Variants in FARSB observed in about 807,000 individuals in gnomAD.
FARSB encodes phenylalanine--tRNA ligase beta subunit.
FARSB carries 40 observed loss-of-function variants against 69.6 expected under a neutral mutation model. That is an observed-to-expected ratio of 0.57 (90% CI 0.45 to 0.75). The LOEUF (loss-of-function observed/expected upper bound fraction) is 0.75. Among genes scored for constraint, FARSB ranks in the 30% least tolerant of loss-of-function variants. The pLI, the probability that FARSB is intolerant of heterozygous loss-of-function variation, is 0.00. For missense variants in FARSB, 632 were observed against 722.9 expected, an observed-to-expected ratio of 0.87 and a Z score of 1.44; for synonymous variants, 235 against 247.2, an observed-to-expected ratio of 0.95 and a Z score of 0.46.
intron 16 of FARSB, among the ~76,000 whole-genome samples, chr2:222,588,120 TG>T (rs1300380192): frequency 3.3e-5 from 5 of 152,180 alleles, no homozygotes; most frequent in African/African-American, 1.2e-4. Flanking sequence ...AATAAAATAC[TG>T]GCAAAACGAA....
At position 222,592,415 on chromosome 2, in the gene FARSB, C is replaced by T. The variant is rs185734470; in HGVS notation, c.1618+7513G>A. ...GAATTCCCAGGACAGTGACTCTTAACCAATATGCTGCAGCACACAAATGTG... is the reference window on the plus strand; with the variant it reads ...GAATTCCCAGGACAGTGACTCTTAATCAATATGCTGCAGCACACAAATGTG... On this transcript the variant is annotated intron_variant, in intron 16 of 16. Coordinates refer to ENST00000281828, the MANE Select transcript of FARSB (RefSeq NM_005687.5). Among the ~76,000 whole-genome samples, 236 of 152,210 alleles carry T rather than the reference C, an allele frequency of 1.6e-3. 1 individual carries two copies. Among genetic ancestry groups the T allele is most frequent in the Admixed American group, 0.014 (207 of 15,270 alleles).
chr2:222,646,805 T>A (rs1691875698), intron 2 of FARSB, among the ~76,000 whole-genome samples: 1 of 152,380 alleles, frequency 6.6e-6, no homozygotes, highest in East Asian at 1.9e-4. Context: ...TTTTACCTTT[T>A]TCTTCAGTTC....
chr2:222,606,527 CCTAAATTAT>C (rs1468419736), intron 15 of FARSB, among the ~76,000 whole-genome samples: 10 of 152,196 alleles, frequency 6.6e-5, no homozygotes, highest in Non-Finnish European at 4.4e-5. Context: ...AGTATGTCAG[CCTAAATTAT>C]CTATGTATTT....
chr2:222,647,728 G>A (rs931059394), intron 2 of FARSB, among the ~76,000 whole-genome samples: 14 of 152,202 alleles, frequency 9.2e-5, no homozygotes, highest in Non-Finnish European at 1.5e-4. Flanking sequence ...TCGCGCTGTC[G>A]CACTCCAGCC....
chr2:222,650,565 A>T (rs936211739), intron 1 of FARSB, among the ~76,000 whole-genome samples: 2 of 151,910 alleles, frequency 1.3e-5, no homozygotes, highest in Non-Finnish European at 2.9e-5. Context: ...GTCTAAGATG[A>T]CTCCCCGATC....
In FARSB at chr2:222,648,771, CAT is replaced by C; in HGVS notation, c.81_82del (p.Cys28PhefsTer2). On this transcript the variant is annotated frameshift_variant, in exon 2 of 17. Transcript: ENST00000281828. LOFTEE classifies it high-confidence loss of function. ...ATCAAGCTCCAGACCAAATTCAAAA[CAT>C]AGTTCATCAAATTCTTCGTCAGCTA... The C allele has an allele frequency of 1.2e-6, 2 of 1,603,784 alleles. No homozygotes were observed. The highest frequency in any genetic ancestry group is 2.2e-5 in the East Asian group (1 of 44,816).
At chr2:222,627,191 T>G (rs998912415) in intron 10 of FARSB, among the ~76,000 whole-genome samples, 1 of 152,216 alleles carries the variant, frequency 6.6e-6, no homozygotes, top group Non-Finnish European at 1.5e-5. Flanking sequence ...GGCCTTGCAA[T>G]GTGACACTGC....
chr2:222,652,041 G>A (rs1692050716), intron 1 of FARSB, among the ~76,000 whole-genome samples: 1 of 152,156 alleles, frequency 6.6e-6, no homozygotes, highest in Non-Finnish European at 1.5e-5. Flanking sequence ...CCGCCCCTTT[G>A]AAGTGGAAGG....
In FARSB at chr2:222,589,483, C is replaced by T. The variant is rs1252990087; in HGVS notation, c.1618+10445G>A. ...GACTTCATGACTAAAACACCAAAAG[C>T]AATGGCAACAAAAGCCAAAATAGAC... On this transcript the variant is annotated intron_variant, in intron 16 of 16. Transcript: ENST00000281828. Among the ~76,000 whole-genome samples, 4 of 151,886 alleles carry T rather than the reference C, an allele frequency of 2.6e-5. No homozygotes were observed. In the East Asian group the frequency reaches 7.7e-4, roughly 29 times the overall value.
intron 1 of FARSB, among the ~76,000 whole-genome samples, 153 bp downstream of exon 1, chr2:222,655,863 G>C (rs925870034): frequency 1.3e-5 from 2 of 152,238 alleles, no homozygotes; most frequent in African/African-American, 4.8e-5. Flanking sequence ...CAGCCCAGCC[G>C]GACCGCCACC....
intron 4 of FARSB, among the ~76,000 whole-genome samples, chr2:222,640,485 G>A (rs746811809): frequency 1.3e-5 from 2 of 151,820 alleles, no homozygotes; most frequent in Non-Finnish European, 2.9e-5. Context: ...TTAGCCAGGT[G>A]TGGTGGCGTG....
At chr2:222,621,130 TCC>T (rs1691124201) in intron 13 of FARSB, among the ~76,000 whole-genome samples, 1 of 152,174 alleles carries the variant, frequency 6.6e-6, no homozygotes, top group African/African-American at 2.4e-5. Context: ...ATGAAACTAG[TCC>T]TCTCTGTGTA....
At chr2:222,592,213 T>C (rs1690292173) in intron 16 of FARSB, among the ~76,000 whole-genome samples, 1 of 152,182 alleles carries the variant, frequency 6.6e-6, no homozygotes. Flanking sequence ...GGCCTTTATT[T>C]TTTGTGGTCA....
chr2:222,571,726 G>A lies in FARSB; in HGVS notation c.*145C>T. 1.5e-6 allele frequency: 1 copy of A among 674,944 alleles called. No individual in the cohort carries two copies. The highest frequency in any genetic ancestry group is 2.5e-6 in the Non-Finnish European group (1 of 402,882). 41.8% of individuals were successfully genotyped at this position (674,944 alleles called of 1,614,324 possible). A position where few individuals can be genotyped will look rare whatever the true frequency, so the allele number is the denominator to read the frequency against. On this transcript the variant is annotated 3_prime_UTR_variant, in exon 17 of 17. Transcript: ENST00000281828. Reference sequence around the variant, plus strand: ...TGGCCTAATATGCAGGGAAAGGATGGTCTCTACCCACACAGCCAGACAGTG... The same window carrying A: ...TGGCCTAATATGCAGGGAAAGGATGATCTCTACCCACACAGCCAGACAGTG...
chr2:222,610,800 G>A (rs184547116), intron 15 of FARSB, among the ~76,000 whole-genome samples: 2 of 152,260 alleles, frequency 1.3e-5, no homozygotes, highest in East Asian at 3.9e-4. Context: ...TGAAATAAGT[G>A]CTATCATTAT....
At chr2:222,602,767 A>G (rs892216350) in intron 15 of FARSB, among the ~76,000 whole-genome samples, 1 of 152,110 alleles carries the variant, frequency 6.6e-6, no homozygotes, top group East Asian at 1.9e-4. Flanking sequence ...TATTTCTATG[A>G]AAGAACGTGG....
intron 1 of FARSB, among the ~76,000 whole-genome samples, chr2:222,653,088 C>T (rs112691303): frequency 4.3e-4 from 65 of 152,230 alleles, no homozygotes; most frequent in African/African-American, 1.3e-3. Context: ...TACACCACGC[C>T]AGAACAGGAC....
At chr2:222,645,530 A>G (rs536382916) in intron 2 of FARSB, among the ~76,000 whole-genome samples, 2 of 152,286 alleles carry the variant, frequency 1.3e-5, no homozygotes, top group South Asian at 4.1e-4. Context: ...GTAGTGTTAT[A>G]AAAGCACTGA....
Position 222,571,981 on chromosome 2 carries a change from T to C in FARSB, c.1660A>G (p.Arg554Gly), listed in dbSNP as rs1415699461. 6.8e-6 allele frequency: 11 copies of C among 1,613,842 alleles called. No homozygotes were observed. The highest frequency in any genetic ancestry group is 9.3e-6 in the Non-Finnish European group (11 of 1,179,944). The change falls in exon 17 of 17, where the codon AGG becomes GGG. Residue 554 changes from arginine (R) to glycine (G), a missense_variant. Physicochemically the swap from Arg to Gly is moderately radical, Grantham distance 125 (BLOSUM62 -2). Transcript: ENST00000281828. ...CCAAGCTTCCCGACGCTTTGACCCC[T>C]GGCAAAGATCTCTGCACATCGCCCG... ...FPGRCAEIFA[R>G]GQSVGKLGVL...
Sources: gnomAD v4.1 joint callset for allele counts (sites outside exome capture counted in the v4.1 genomes callset) on GRCh38, gnomAD v4.1.1 for gene constraint, MANE v1.5 for transcripts, NCBI Gene and HGNC (gene_info 2026-07-23, HGNC 2026-07-21) for gene names.